POU2F3: variants seen among roughly 807,000 people sequenced by gnomAD.
POU2F3 encodes POU class 2 homeobox 3.
A neutral mutation model predicts 59.2 loss-of-function variants in POU2F3; 23 were observed. The observed-to-expected ratio is 0.39, with a 90% CI of 0.28 to 0.55. POU2F3 has a LOEUF of 0.55. Among genes scored for constraint, POU2F3 ranks in the 20% least tolerant of loss-of-function variants. POU2F3 has a pLI of 0.66. For synonymous variants in POU2F3, 190 were observed against 214.6 expected (o/e 0.89, Z 1.00); for missense variants, 473 against 544.5 (o/e 0.87, Z 1.31).
intron 3 of POU2F3, among the ~76,000 whole-genome samples, chr11:120,280,143 G>A (rs986285593): frequency 1.1e-4 from 16 of 152,112 alleles, no homozygotes; most frequent in African/African-American, 2.4e-4. Flanking sequence ...TCAAGCAGGC[G>A]TCTCTTTGGA....
chr11:120,251,793 CTTTTTTTTTTTT>C (rs547326332), intron 2 of POU2F3, among the ~76,000 whole-genome samples: 2 of 125,244 alleles, frequency 1.6e-5, no homozygotes, highest in East Asian at 3.0e-4. Flanking sequence ...TCTTGGCTGC[CTTTTTTTTTTTT>C]TTTTTTTTTG....
upstream of POU2F3, chr11:120,236,760 T>C (rs189504040): frequency 7.4e-4 from 1,034 of 1,401,886 alleles, 3 homozygotes; most frequent in African/African-American, 0.012. Flanking sequence ...AAATGATCAG[T>C]GAGCAAGTCT....
At chr11:120,316,990 ACCAG>A (rs578216420) in intron 11 of POU2F3, among the ~76,000 whole-genome samples, 12 of 152,192 alleles carry the variant, frequency 7.9e-5, no homozygotes, top group African/African-American at 2.9e-4. Flanking sequence ...GACTTGCAGA[ACCAG>A]CCACACCACT....
At chr11:120,314,244 C>T (rs1325157797) in intron 10 of POU2F3, among the ~76,000 whole-genome samples, 1 of 152,208 alleles carries the variant, frequency 6.6e-6, no homozygotes, top group African/African-American at 2.4e-5. Flanking sequence ...TAAGTACATG[C>T]TGCATCCTGT....
At chr11:120,288,128 CAA>C in intron 3 of POU2F3, among the ~76,000 whole-genome samples, 53 of 63,336 alleles carry the variant, frequency 8.4e-4, no homozygotes, top group South Asian at 2.8e-3. Context: ...ACAAAAAAAC[CAA>C]AAAAAAAAAA....
At chr11:120,253,476 T>G (rs1243080006) in intron 2 of POU2F3, 1 of 152,172 alleles carries the variant, frequency 6.6e-6, no homozygotes, top group Non-Finnish European at 1.5e-5. Context: ...GCCAGGCTGG[T>G]CTCGAACCCC....
chr11:120,263,599 G>A (rs551874311), intron 2 of POU2F3, among the ~76,000 whole-genome samples: 5 of 152,330 alleles, frequency 3.3e-5, no homozygotes, highest in East Asian at 3.9e-4. Flanking sequence ...CACTCAATGC[G>A]TTGGAGTTAT....
At chr11:120,317,136 C>A (rs943237316) in intron 11 of POU2F3, 93 bp from the exon 12 acceptor site, 6 of 1,484,034 alleles carry the variant, frequency 4.0e-6, no homozygotes, top group African/African-American at 1.4e-5. Flanking sequence ...TTTGGGGATA[C>A]ACCAGGAAAT....
chr11:120,298,531 C>A, intron 4 of POU2F3, 141 bp downstream of exon 4: 1 of 1,184,136 alleles, frequency 8.4e-7, no homozygotes, highest in Non-Finnish European at 1.2e-6. Context: ...GAGTAGGGTT[C>A]TAAAACAGTC....
intron 2 of POU2F3, chr11:120,253,596 G>C (rs1198768034): frequency 2.6e-5 from 4 of 152,226 alleles, no homozygotes; most frequent in African/African-American, 9.7e-5. Flanking sequence ...TTTGTCCGTA[G>C]CTGGTCCTGG....
chr11:120,287,939 GA>G (rs1281552104), intron 3 of POU2F3, among the ~76,000 whole-genome samples: 1 of 151,828 alleles, frequency 6.6e-6, no homozygotes, highest in African/African-American at 2.4e-5. Flanking sequence ...TGAGCTTAAT[GA>G]TGTGGTTTTT....
chr11:120,317,253 A>G lies in POU2F3; in HGVS notation c.1160A>G (p.Asn387Ser). Residue 387 changes from asparagine (N) to serine (S), a missense_variant, in exon 12 of 13, where the codon AAC becomes AGC. By Grantham distance (46) the Asn-to-Ser change is conservative (BLOSUM62 1). Transcript: ENST00000543440. ...GTVTSSCSPG[N>S]NSRPSSPGSG... ...GTAACGTCATCCTGTTCCCCTGGGA[A>G]CAACAGCAGGCCTTCATCTCCTGGC... 6.2e-7 allele frequency: 1 copy of G among 1,614,080 alleles called. No individual in the cohort carries two copies. The highest frequency in any genetic ancestry group is 1.1e-5 in the South Asian group (1 of 91,076).
intron 10 of POU2F3, 132 bp from the exon 11 acceptor site, chr11:120,315,229 G>A: frequency 6.3e-6 from 5 of 799,190 alleles, no homozygotes; most frequent in Non-Finnish European, 1.0e-5. Context: ...AGGATGGCAT[G>A]TAGGCTAGGA....
chr11:120,272,779 T>C (rs1940133153), intron 3 of POU2F3, among the ~76,000 whole-genome samples: 1 of 152,084 alleles, frequency 6.6e-6, no homozygotes, highest in Non-Finnish European at 1.5e-5. Context: ...CAACCCTCCA[T>C]CCCCAGGACA....
intron 10 of POU2F3, among the ~76,000 whole-genome samples, chr11:120,310,017 G>A (rs562999069): frequency 2.0e-5 from 3 of 152,342 alleles, no homozygotes; most frequent in African/African-American, 7.2e-5. Flanking sequence ...CAAGATCTTG[G>A]AGGACATTGA....
At chr11:120,298,172 C>T in intron 3 of POU2F3, 93 bp from the exon 4 acceptor site, 1 of 1,442,600 alleles carries the variant, frequency 6.9e-7, no homozygotes, top group Non-Finnish European at 9.4e-7. Flanking sequence ...CTAGGCTGGT[C>T]ACTCCTTTCC....
chr11:120,306,611 T>TC lies in POU2F3; in HGVS notation c.769+833dup, dbSNP rs35692386. ...CAGGGGGAGTGGTGGTGATGCAGAGTCCCCCCCGGTTGAGAACTGCCGGCC... is the reference window on the plus strand; with the variant it reads ...CAGGGGGAGTGGTGGTGATGCAGAGTCCCCCCCCGGTTGAGAACTGCCGGCC... On this transcript the variant is annotated intron_variant, in intron 8 of 12. Transcript: ENST00000543440. Among the ~76,000 whole-genome samples the TC allele has an allele frequency of 0.028, 4,280 of 150,868 alleles. 1,035 individuals are homozygous for TC. The East Asian group carries it at 0.6, about 21-fold the overall frequency.
At chr11:120,279,032 T>C (rs12798944) in intron 3 of POU2F3, among the ~76,000 whole-genome samples, 25,306 of 152,124 alleles carry the variant, frequency 0.17, 2,341 homozygotes, top group Admixed American at 0.3. Context: ...TATAAAAGGG[T>C]TTAGCAACCC....
chr11:120,269,314 G>C, intron 3 of POU2F3, 70 bp downstream of exon 3: 2 of 1,286,332 alleles, frequency 1.6e-6, no homozygotes, highest in South Asian at 2.5e-5. Context: ...GTCTGGTATG[G>C]AGGAAGACAA....
Sources: allele counts gnomAD v4.1 joint callset (sites outside exome capture counted in the v4.1 genomes callset), GRCh38; gene constraint gnomAD v4.1.1; transcripts MANE v1.5; gene names NCBI Gene and HGNC (gene_info 2026-07-23, HGNC 2026-07-21).